PLCD3: variants seen among roughly 807,000 people sequenced by gnomAD.
PLCD3 encodes the protein phospholipase C delta 3, also known as 1-phosphatidylinositol 4,5-bisphosphate phosphodiesterase delta-3.
Under a neutral mutation model 82.8 loss-of-function variants are expected in PLCD3, and 62 were observed. That is an observed-to-expected ratio of 0.75 (90% CI 0.61 to 0.93). PLCD3 has a LOEUF of 0.93. Among genes scored for constraint, PLCD3 ranks in the 40% least tolerant of loss-of-function variants. The pLI, the probability that PLCD3 is intolerant of heterozygous loss-of-function variation, is 0.00. For synonymous variants in PLCD3, 478 were observed against 471.8 expected, an observed-to-expected ratio of 1.01 and a Z score of -0.17; for missense variants, 1,023 against 1,103.4, an observed-to-expected ratio of 0.93 and a Z score of 1.03.
rs186868303 is a variant in PLCD3 at position 45,115,861 on chromosome 17, T to C, written c.1414-371A>G. Among the ~76,000 whole-genome samples, 179 of 152,340 alleles carry C rather than the reference T, an allele frequency of 1.2e-3. 1 individual carries two copies. Among genetic ancestry groups the C allele is most frequent in the African/African-American group, 4.1e-3 (169 of 41,588 alleles). On this transcript the variant is annotated intron_variant, in intron 8 of 14. Transcript: ENST00000619929. ...TTTAAAAGAGAAGACAGTACACATA[T>C]GTACACAGGTAATGTGTGTGGGGAA...
rs929663768 is a variant in PLCD3 at position 45,109,934 on chromosome 17, C to G, written c.*2682G>C. ...CTACTAAAAACACAAAAAAATTAGC[C>G]GGGCATGGTGGTGGGCGCCTGTAGT... On this transcript the variant is annotated 3_prime_UTR_variant, in exon 15 of 15. Transcript: ENST00000619929. The G allele has an allele frequency of 6.6e-6, 1 of 151,738 alleles. No individual in the cohort carries two copies. Among genetic ancestry groups the G allele is most frequent in the Admixed American group, 6.6e-5 (1 of 15,206 alleles). The allele number at this position is 151,738 out of a possible 1,614,324, so 9.4% of individuals were successfully genotyped here. A position where few individuals can be genotyped will look rare whatever the true frequency, so the allele number is the denominator to read the frequency against.
In PLCD3 at chr17:45,118,240, TG is replaced by T; in HGVS notation, c.1115+50del. On this transcript the variant is annotated intron_variant, in intron 6 of 14. Coordinates refer to ENST00000619929, the MANE Select transcript of PLCD3 (RefSeq NM_133373.5). This position sits in a 1 kb window ranked among gnomAD's most constrained non-coding sequence, Gnocchi z 4.1. ...AGGAAGGCCCCAGGAAGCCAGCCCA[TG>T]TCTCTCCCCAGGTGGGGCTCCCGGA... The T allele has an allele frequency of 6.2e-7, 1 of 1,612,276 alleles. No individual in the cohort carries two copies. The highest frequency in any genetic ancestry group is 2.2e-5 in the East Asian group (1 of 44,860).
chr17:45,128,036 C>G (rs1490460554), intron 1 of PLCD3, among the ~76,000 whole-genome samples: 1 of 152,102 alleles, frequency 6.6e-6, no homozygotes, highest in African/African-American at 2.4e-5. Flanking sequence ...GGAGAGGACA[C>G]ACAATGGCGA....
rs1254616861 is a variant in PLCD3, at chr17:45,120,944, CGG to C, written c.510_511del (p.Arg173ProfsTer22). 2 of 1,487,908 alleles carry C rather than the reference CGG, an allele frequency of 1.3e-6. No individual in the cohort carries two copies. The highest frequency in any genetic ancestry group is 2.6e-5 in the South Asian group (2 of 77,576). 92.2% of individuals were successfully genotyped at this position (1,487,908 alleles called of 1,614,324 possible). On this transcript the variant is annotated frameshift_variant, in exon 3 of 15. Transcript: ENST00000619929. LOFTEE classifies it high-confidence loss of function. ...CTGGCTCATGGCGTCCAGGCGCGCG[CGG>C]AGCTTGGTCAGACCGCGCACCCAGC...
chr17:45,131,792 G>T (rs933812019), intron 1 of PLCD3, among the ~76,000 whole-genome samples: 4 of 152,242 alleles, frequency 2.6e-5, no homozygotes, highest in African/African-American at 9.6e-5. Context: ...CGCCTCTGTG[G>T]GGCCGCGGCT....
rs1048596526 is a variant in PLCD3 at position 45,113,734 on chromosome 17, C to A, written c.1829-129G>T. On this transcript the variant is annotated intron_variant, in intron 11 of 14. Transcript: ENST00000619929. ...TGTCTGCTTAGTGCTGCTCTGCTCC[C>A]ACCATGACTTTAGGGGAGGGGGTCA... 4 of 1,152,306 alleles carry A rather than the reference C, an allele frequency of 3.5e-6. No homozygotes were observed. The African/African-American group carries it at 4.7e-5, about 14-fold the overall frequency. 71.4% of individuals were successfully genotyped at this position (1,152,306 alleles called of 1,614,324 possible).
Position 45,121,338 on chromosome 17 carries a change from C to G in PLCD3, c.198G>C (p.Leu66=), listed in dbSNP as rs760459243. Residue 66 remains leucine (L), a synonymous_variant, in exon 2 of 15, where the codon CTG becomes CTC. Coordinates refer to ENST00000619929, the MANE Select transcript of PLCD3 (RefSeq NM_133373.5). ...LTEDEDVRAM[L]RGSRLRKIRS... ...GGATCTTGCGGAGCCGGGAGCCCCG[C>G]AGCATGGCGCGCACGTCCTCGTCCT... is the stretch of plus-strand genomic sequence containing the variant. 1.9e-6 allele frequency: 3 copies of G among 1,548,472 alleles called. No individual in the cohort carries two copies. Among genetic ancestry groups the G allele is most frequent in the Non-Finnish European group, 2.6e-6 (3 of 1,155,622 alleles).
chr17:45,130,215 A>C (rs1165637120), intron 1 of PLCD3, among the ~76,000 whole-genome samples: 3 of 152,184 alleles, frequency 2.0e-5, no homozygotes, highest in Non-Finnish European at 4.4e-5. Context: ...ATATCTATGT[A>C]GTTCCCGAGA....
In PLCD3 at chr17:45,109,884, T is replaced by A. The variant is rs2054228117; in HGVS notation, c.*2732A>T. Reference sequence around the variant, plus strand: ...CGAGGTCAGGAGATCGAGACCATCCTGGCTAACACTATGAAACCCTGTCTC... The same window carrying A: ...CGAGGTCAGGAGATCGAGACCATCCAGGCTAACACTATGAAACCCTGTCTC... On this transcript the variant is annotated 3_prime_UTR_variant, in exon 15 of 15. Coordinates refer to ENST00000619929, the MANE Select transcript of PLCD3 (RefSeq NM_133373.5). The A allele has an allele frequency of 6.6e-6, 1 of 151,696 alleles. No homozygotes were observed. Among genetic ancestry groups the A allele is most frequent in the Non-Finnish European group, 1.5e-5 (1 of 67,992 alleles). 9.4% of individuals were successfully genotyped at this position (151,696 alleles called of 1,614,324 possible). A position where few individuals can be genotyped will look rare whatever the true frequency, so the allele number is the denominator to read the frequency against.
chr17:45,110,447 G>T lies in PLCD3; in HGVS notation c.*2169C>A, dbSNP rs865804150. The T allele has an allele frequency of 6.8e-6, 1 of 146,956 alleles. No homozygotes were observed. Among genetic ancestry groups the T allele is most frequent in the Non-Finnish European group, 1.5e-5 (1 of 66,830 alleles). The allele number at this position is 146,956 out of a possible 1,614,324, so 9.1% of individuals were successfully genotyped here. A position where few individuals can be genotyped will look rare whatever the true frequency, so the allele number is the denominator to read the frequency against. On this transcript the variant is annotated 3_prime_UTR_variant, in exon 15 of 15. Coordinates refer to ENST00000619929, the MANE Select transcript of PLCD3 (RefSeq NM_133373.5). Reference sequence around the variant, plus strand: ...GGACGAGCAAGACTTTGTCTCAAAAGAAAAAAAAAAAAGACTCTTGCCCTT... The same window carrying T: ...GGACGAGCAAGACTTTGTCTCAAAATAAAAAAAAAAAAGACTCTTGCCCTT...
At position 45,121,126 on chromosome 17, in the gene PLCD3, G is replaced by A; in HGVS notation, c.330C>T (p.Phe110=). Residue 110 remains phenylalanine, a synonymous_variant, in exon 3 of 15, where the codon TTC becomes TTT. Coordinates refer to ENST00000619929, the MANE Select transcript of PLCD3 (RefSeq NM_133373.5). ...IPRAPSQHIF[F]VQHIEAVREG... ...CGCGGACCGCCTCGATGTGCTGCACGAAGACTGAGAGGAGGGCCGGGTCAG... is the reference window on the plus strand; with the variant it reads ...CGCGGACCGCCTCGATGTGCTGCACAAAGACTGAGAGGAGGGCCGGGTCAG... 2 of 1,523,728 alleles carry A rather than the reference G, an allele frequency of 1.3e-6. No homozygotes were observed. The highest frequency in any genetic ancestry group is 1.8e-6 in the Non-Finnish European group (2 of 1,142,510). The allele number at this position is 1,523,728 out of a possible 1,614,324, so 94.4% of individuals were successfully genotyped here. A position where few individuals can be genotyped will look rare whatever the true frequency, so the allele number is the denominator to read the frequency against.
chr17:45,115,189 C>T lies in PLCD3; in HGVS notation c.1616G>A (p.Arg539His), dbSNP rs199969953. The T allele has an allele frequency of 3.1e-4, 491 of 1,584,952 alleles. 1 individual carries two copies. Among genetic ancestry groups the T allele is most frequent in the East Asian group, 3.4e-4 (15 of 43,762 alleles). The part of the protein sequence containing the change: ...SALAVYCHAT[R>H]LRTLHPAPNA... ...GGGGGCAGGGTGCAGGGTCCGCAGGCGGGTGGCGTGGCAGTACACAGCCAG... is the reference window on the plus strand; with the variant it reads ...GGGGGCAGGGTGCAGGGTCCGCAGGTGGGTGGCGTGGCAGTACACAGCCAG... Residue 539 changes from arginine (R) to histidine (H), a missense_variant, in exon 10 of 15, where the codon CGC becomes CAC. By Grantham distance (29) the Arg-to-His change is conservative (BLOSUM62 0). This residue lies in a region of PLCD3 where 553 missense variants were observed against 655.7 expected (regional missense o/e 0.84). Transcript: ENST00000619929.
rs1358172353 is a variant in PLCD3, at chr17:45,121,032, C to G, written c.424G>C (p.Ala142Pro). 2.6e-6 allele frequency: 4 copies of G among 1,540,868 alleles called. No homozygotes were observed. Among genetic ancestry groups the G allele is most frequent in the Non-Finnish European group, 3.5e-6 (4 of 1,150,860 alleles). The stretch of plus-strand genomic sequence containing the variant: ...AGGTTCTTGCGGCGGCCCTTGAAGG[C>G]GATGGTGAGGCAGCGCGCTGGCGCG... ...AFAPARCLTI[A>P]FKGRRKNLDL... Residue 142 changes from alanine (A) to proline (P), a missense_variant, in exon 3 of 15, where the codon GCC (alanine) becomes CCC (proline). This residue lies in a region of PLCD3 where 448 missense variants were observed against 406.3 expected (regional missense o/e 1.10). Coordinates refer to ENST00000619929, the MANE Select transcript of PLCD3 (RefSeq NM_133373.5).
At chr17:45,127,938 G>C (rs2054393781) in intron 1 of PLCD3, among the ~76,000 whole-genome samples, 1 of 152,158 alleles carries the variant, frequency 6.6e-6, no homozygotes, top group Admixed American at 6.5e-5. Flanking sequence ...GAGTCATGCA[G>C]GGAACTGCTA....
chr17:45,126,130 G>A (rs576298183), intron 1 of PLCD3, among the ~76,000 whole-genome samples: 13 of 142,348 alleles, frequency 9.1e-5, no homozygotes, highest in Non-Finnish European at 1.7e-4. Context: ...TGCAAGCTCC[G>A]CCTCCTGGGT....
chr17:45,119,096 C>T, intron 4 of PLCD3, 53 bp from the exon 5 acceptor site: 5 of 1,398,314 alleles, frequency 3.6e-6, no homozygotes, highest in Non-Finnish European at 3.9e-6. Context: ...GGAAACCTGG[C>T]CCCTTTGACC....
At position 45,118,437 on chromosome 17, in the gene PLCD3, C is replaced by T. The variant is rs747761962; in HGVS notation, c.969G>A (p.Pro323=). The change falls in exon 6 of 15, where the codon CCG becomes CCA. Residue 323 remains proline (P), a synonymous_variant. Coordinates refer to ENST00000619929, the MANE Select transcript of PLCD3 (RefSeq NM_133373.5). The surrounding 1 kb of genome is among the most constrained non-coding windows in gnomAD (Gnocchi z 4.1). The stretch of plus-strand genomic sequence containing the variant: ...GGGTGTTGTCCAAGGCAGCCCCCTC[C>T]GGCGACAACAGGTACATCATGAAGC... ...LDGFMMYLLS[P]EGAALDNTHT... The T allele has an allele frequency of 1.8e-5, 29 of 1,613,860 alleles. No individual in the cohort carries two copies. In the Admixed American group the frequency reaches 2.5e-4, roughly 14 times the overall value.
At chr17:45,120,182 T>C in intron 4 of PLCD3, 143 bp downstream of exon 4, 1 of 1,154,480 alleles carries the variant, frequency 8.7e-7, no homozygotes, top group Non-Finnish European at 1.2e-6. Flanking sequence ...CCCCAGATGT[T>C]GCCTTTGTGC....
At chr17:45,113,291 G>A (rs754694707) in intron 12 of PLCD3, 34 bp from the exon 13 acceptor site, 3 of 1,569,230 alleles carry the variant, frequency 1.9e-6, no homozygotes, top group South Asian at 2.3e-5. Context: ...TGGGGCCCAC[G>A]CCCACCTTGG....
Sources: allele counts gnomAD v4.1 joint callset (sites outside exome capture counted in the v4.1 genomes callset), GRCh38; gene constraint gnomAD v4.1.1; regional missense constraint gnomAD v4.1.1; non-coding constraint Gnocchi (gnomAD v3.1); transcripts MANE v1.5; gene names NCBI Gene and HGNC (gene_info 2026-07-23, HGNC 2026-07-21).